The following TIMM22 variants were observed in gnomAD, a reference collection of about 807,000 sequenced individuals.
TIMM22 encodes the protein mitochondrial import inner membrane translocase subunit Tim22.
A neutral mutation model predicts 18.3 loss-of-function variants in TIMM22; 12 were observed. The ratio of observed to expected loss-of-function variants is 0.65; its 90% CI spans 0.42 to 1.06. The LOEUF (loss-of-function observed/expected upper bound fraction) is 1.06. TIMM22 is among the 50% of genes least tolerant of loss of function. The probability of loss-of-function intolerance (pLI) is 0.00; values close to 1 mark genes in which losing one functional copy is unlikely to be tolerated. For missense variants in TIMM22, 278 were observed against 252.8 expected, an observed-to-expected ratio of 1.10 and a Z score of -0.68; for synonymous variants, 107 against 98.5, an observed-to-expected ratio of 1.09 and a Z score of -0.51.
intron 2 of TIMM22, among the ~76,000 whole-genome samples, 162 bp from the exon 3 acceptor site, chr17:999,350 T>TACATATAC (rs371102749): frequency 3.2e-5 from 4 of 126,728 alleles, no homozygotes; most frequent in African/African-American, 1.6e-4. Context: ...TATATATATA[T>TACATATAC]ATATATATAC....
intron 1 of TIMM22, among the ~76,000 whole-genome samples, 167 bp from the exon 2 acceptor site, chr17:998,612 T>C (rs1004711196): frequency 6.6e-6 from 1 of 152,126 alleles, no homozygotes; most frequent in African/African-American, 2.4e-5. Flanking sequence ...GTCAGTAACA[T>C]AGACCCTGGA....
In TIMM22 at chr17:1,003,072, G is replaced by A. The variant is rs1276821086; in HGVS notation, c.*1984G>A. ...TTCACGCCACTGACTCTCTCAAAGGGAGGGTGGGCCCTCGGAGACCCAGCT... is the reference window on the plus strand; with the variant it reads ...TTCACGCCACTGACTCTCTCAAAGGAAGGGTGGGCCCTCGGAGACCCAGCT... On this transcript the variant is annotated 3_prime_UTR_variant, in exon 4 of 4. Coordinates refer to ENST00000327158, the MANE Select transcript of TIMM22 (RefSeq NM_013337.4). 3 of 152,166 alleles carry A rather than the reference G, an allele frequency of 2.0e-5. No homozygotes were observed. The highest frequency in any genetic ancestry group is 4.4e-5 in the Non-Finnish European group (3 of 68,042). 9.4% of individuals were successfully genotyped at this position (152,166 alleles called of 1,614,324 possible).
rs531835111 is a variant in TIMM22 at position 1,002,589 on chromosome 17, G to A, written c.*1501G>A. 3.9e-5 allele frequency: 6 copies of A among 152,168 alleles called. No individual in the cohort carries two copies. The highest frequency in any genetic ancestry group is 6.5e-5 in the Admixed American group (1 of 15,272). The allele number at this position is 152,168 out of a possible 1,614,324, so 9.4% of individuals were successfully genotyped here. A position where few individuals can be genotyped will look rare whatever the true frequency, so the allele number is the denominator to read the frequency against. The stretch of plus-strand genomic sequence containing the variant: ...CCTTTTACAGTGAATTCTATATAAC[G>A]CCCCTCCCAGTCTCACAGCTAGGAG... On this transcript the variant is annotated 3_prime_UTR_variant, in exon 4 of 4. Transcript: ENST00000327158.
At chr17:999,358 T>TATATATATATATATATATACAC (rs1408779709) in intron 2 of TIMM22, among the ~76,000 whole-genome samples, 154 bp from the exon 3 acceptor site, 6 of 132,610 alleles carry the variant, frequency 4.5e-5, no homozygotes, top group African/African-American at 1.9e-4. Flanking sequence ...TATATATATA[T>TATATATATATATATATATACAC]ACACGCTGTA....
chr17:998,869 C>T lies in TIMM22; in HGVS notation c.329C>T (p.Thr110Ile). The T allele has an allele frequency of 6.2e-7, 1 of 1,614,160 alleles. No individual in the cohort carries two copies. The highest frequency in any genetic ancestry group is 8.5e-7 in the Non-Finnish European group (1 of 1,180,030). ...FDPKDPYRTP[T>I]AKEVLKDMGQ... Reference sequence around the variant, plus strand: ...CCTAAGGATCCTTACCGTACACCGACTGCAAAAGAAGTGCTGAAAGACATG... The same window carrying T: ...CCTAAGGATCCTTACCGTACACCGATTGCAAAAGAAGTGCTGAAAGACATG... The change falls in exon 2 of 4, where the codon ACT becomes ATT. Residue 110 changes from threonine to isoleucine, a missense_variant. Thr to Ile is a moderately conservative substitution (Grantham distance 89). Coordinates refer to ENST00000327158, the MANE Select transcript of TIMM22 (RefSeq NM_013337.4).
intron 3 of TIMM22, among the ~76,000 whole-genome samples, 154 bp downstream of exon 3, chr17:999,738 A>G (rs566512463): frequency 6.6e-6 from 1 of 152,106 alleles, no homozygotes; most frequent in African/African-American, 2.4e-5. Flanking sequence ...GGTTTTGGAA[A>G]CTTGTAGGAT....
chr17:999,623 T>G, intron 3 of TIMM22, 39 bp downstream of exon 3: 1 of 1,597,616 alleles, frequency 6.3e-7, no homozygotes, highest in Non-Finnish European at 8.6e-7. Flanking sequence ...CTTTGTGGCC[T>G]TGGACAACGT....
Position 997,351 on chromosome 17 carries a change from C to T in TIMM22, c.209C>T (p.Ala70Val). The change falls in exon 1 of 4, where the codon GCT becomes GTT. Residue 70 changes from alanine (A) to valine (V), a missense_variant. Coordinates refer to ENST00000327158, the MANE Select transcript of TIMM22 (RefSeq NM_013337.4). ...KMIEKAMESC[A>V]FKAALACVGG... ...ATCGAGAAGGCGATGGAAAGCTGCG[C>T]TTTCAAGGCTGCGCTGGCCTGCGTG... 6.2e-7 allele frequency: 1 copy of T among 1,613,460 alleles called. No homozygotes were observed. The highest frequency in any genetic ancestry group is 1.1e-5 in the South Asian group (1 of 91,000).
rs778453890 is a variant in TIMM22 at position 998,927 on chromosome 17, C to T, written c.387C>T (p.Phe129=). 3.1e-6 allele frequency: 5 copies of T among 1,613,986 alleles called. No individual in the cohort carries two copies. The highest frequency in any genetic ancestry group is 2.2e-5 in the East Asian group (1 of 44,864). ...GAGGAATGTCCTATGCCAAAAATTT[C>T]GCCATTGTGGGAGCCATGTTTTCTT... ...GQRGMSYAKN[F]AIVGAMFSCT... The change falls in exon 2 of 4, where the codon TTC becomes TTT. Residue 129 remains phenylalanine, a synonymous_variant. Coordinates refer to ENST00000327158, the MANE Select transcript of TIMM22 (RefSeq NM_013337.4).
rs2069757106 is a variant in TIMM22, at chr17:1,001,969, G to A, written c.*881G>A. ...GCCGAGCTTGAGGCCACATGTGAAGGGTCCTGCTGTGGTCATCTTGGTGAC... is the reference window on the plus strand; with the variant it reads ...GCCGAGCTTGAGGCCACATGTGAAGAGTCCTGCTGTGGTCATCTTGGTGAC... On this transcript the variant is annotated 3_prime_UTR_variant, in exon 4 of 4. Coordinates refer to ENST00000327158, the MANE Select transcript of TIMM22 (RefSeq NM_013337.4). 1.3e-5 allele frequency: 2 copies of A among 152,128 alleles called. No homozygotes were observed. Among genetic ancestry groups the A allele is most frequent in the African/African-American group, 2.4e-5 (1 of 41,418 alleles). 9.4% of individuals were successfully genotyped at this position (152,128 alleles called of 1,614,324 possible).
chr17:1,003,617 A>G lies in TIMM22; in HGVS notation c.*2529A>G, dbSNP rs2069815062. Reference sequence around the variant, plus strand: ...TAATAATCTACATAAGTTGAAACAGAACATAGACAAAAAAATATATCCTTA... The same window carrying G: ...TAATAATCTACATAAGTTGAAACAGGACATAGACAAAAAAATATATCCTTA... On this transcript the variant is annotated 3_prime_UTR_variant, in exon 4 of 4. Transcript: ENST00000327158. The G allele has an allele frequency of 6.6e-6, 1 of 152,548 alleles. No homozygotes were observed. The highest frequency in any genetic ancestry group is 1.5e-5 in the Non-Finnish European group (1 of 68,044). 9.4% of individuals were successfully genotyped at this position (152,548 alleles called of 1,614,324 possible).
Position 999,517 on chromosome 17 carries a change from G to C in TIMM22, c.441G>C (p.Arg147=). The C allele has an allele frequency of 1.2e-6, 2 of 1,613,450 alleles. No homozygotes were observed. The highest frequency in any genetic ancestry group is 1.7e-6 in the Non-Finnish European group (2 of 1,179,734). The part of the protein sequence containing the change: ...SCTECLIESY[R]GTSDWKNSVI... The stretch of plus-strand genomic sequence containing the variant: ...GTGTACTTCCCTGCCCACAGTACCG[G>C]GGAACATCAGACTGGAAGAACAGTG... The change falls in exon 3 of 4, where the codon CGG becomes CGC. Residue 147 remains arginine, a synonymous_variant. Transcript: ENST00000327158.
At position 999,702 on chromosome 17, in the gene TIMM22, A is replaced by G. The variant is rs2069724116; in HGVS notation, c.508+118A>G. On this transcript the variant is annotated intron_variant, in intron 3 of 3. Transcript: ENST00000327158. Reference sequence around the variant, plus strand: ...TTGATCTTCTTCCCTCTGACAAATAAATCATGTTTGTTTCTGTGGTAACTC... The same window carrying G: ...TTGATCTTCTTCCCTCTGACAAATAGATCATGTTTGTTTCTGTGGTAACTC... The G allele has an allele frequency of 3.9e-6, 4 of 1,013,900 alleles. No individual in the cohort carries two copies. In the African/African-American group the frequency reaches 4.8e-5, roughly 12 times the overall value. 62.8% of individuals were successfully genotyped at this position (1,013,900 alleles called of 1,614,324 possible).
chr17:998,629 G>GTGGAGAGTTTGCAAAC, intron 1 of TIMM22, 150 bp from the exon 2 acceptor site: 1 of 667,478 alleles, frequency 1.5e-6, no homozygotes, highest in Non-Finnish European at 2.4e-6. Flanking sequence ...TGGATTGCAA[G>GTGGAGAGTTTGCAAAC]TCTCCAGGCA....
Position 997,275 on chromosome 17 carries a change from G to A in TIMM22, c.133G>A (p.Gly45Arg). The change falls in exon 1 of 4, where the codon GGG (glycine) becomes AGG (arginine). Residue 45 changes from glycine (G) to arginine (R), a missense_variant. Transcript: ENST00000327158. ...GCGTCAGCCCCGGCTCCTGGAGCCT[G>A]GGAGCCTGGGCGGGATCCCAAGTCC... ...DKRQPRLLEP[G>R]SLGGIPSPAK... 6.2e-7 allele frequency: 1 copy of A among 1,613,700 alleles called. No individual in the cohort carries two copies. The highest frequency in any genetic ancestry group is 1.7e-4 in the Middle Eastern group (1 of 6,056).
chr17:1,000,596 G>A (rs980936598), intron 3 of TIMM22, among the ~76,000 whole-genome samples: 12 of 152,232 alleles, frequency 7.9e-5, no homozygotes, highest in East Asian at 5.8e-4. Context: ...CTTCTCCGCC[G>A]GTCGTCCCAT....
chr17:997,452 C>T, intron 1 of TIMM22, 72 bp downstream of exon 1: 2 of 1,467,296 alleles, frequency 1.4e-6, no homozygotes, highest in Non-Finnish European at 1.9e-6. Context: ...CCGAGAAGAC[C>T]ACGCGCCTGG....
Position 1,001,030 on chromosome 17 carries a change from C to T in TIMM22, c.527C>T (p.Ala176Val). ...IGFRAGLKAG[A>V]IGCGGFAAFS... ...TTGACAGCTGGCTTAAAGGCTGGGG[C>T]CATTGGTTGTGGAGGTTTTGCTGCT... Residue 176 changes from alanine (A) to valine (V), a missense_variant, in exon 4 of 4, where the codon GCC (alanine) becomes GTC (valine). Ala to Val is a moderately conservative substitution (Grantham distance 64, BLOSUM62 0). Coordinates refer to ENST00000327158, the MANE Select transcript of TIMM22 (RefSeq NM_013337.4). The T allele has an allele frequency of 6.2e-7, 1 of 1,614,014 alleles. No individual in the cohort carries two copies. Among genetic ancestry groups the T allele is most frequent in the South Asian group, 1.1e-5 (1 of 91,062 alleles).
intron 3 of TIMM22, 59 bp downstream of exon 3, chr17:999,643 G>A: frequency 1.3e-6 from 2 of 1,525,032 alleles, no homozygotes; most frequent in Non-Finnish European, 1.8e-6. Flanking sequence ...TGCTGAGGTT[G>A]TCATTTCCAA....
Sources: gnomAD v4.1 joint callset for allele counts (sites outside exome capture counted in the v4.1 genomes callset) on GRCh38, gnomAD v4.1.1 for gene constraint, MANE v1.5 for transcripts, NCBI Gene and HGNC (gene_info 2026-07-23, HGNC 2026-07-21) for gene names.